The following MEAK7 variants were observed in gnomAD, a reference collection of about 807,000 sequenced individuals.
MEAK7 encodes the protein MTOR-associated protein MEAK7.
In MEAK7, 68 loss-of-function variants were observed where a neutral mutation model predicts 40.5. That is an observed-to-expected ratio of 1.68 (90% CI 1.38 to 2.06). The LOEUF (loss-of-function observed/expected upper bound fraction) is 2.06. MEAK7 is among the 30% of genes most tolerant of loss of function. The probability of loss-of-function intolerance (pLI) is 0.00; values close to 1 mark genes in which losing one functional copy is unlikely to be tolerated. For synonymous variants in MEAK7, 338 were observed against 231.9 expected, an observed-to-expected ratio of 1.46 and a Z score of -4.16; for missense variants, 918 against 580.5, an observed-to-expected ratio of 1.58 and a Z score of -5.98.
At chr16:84,491,311 G>T (rs4782980) in intron 3 of MEAK7, among the ~76,000 whole-genome samples, 63,994 of 151,558 alleles carry the variant, frequency 0.42, 14,073 homozygotes, top group South Asian at 0.6. Context: ...GCCAAGGTGG[G>T]CAGATCATTT....
rs756409200 is a variant in MEAK7 at position 84,480,724 on chromosome 16, G to C, written c.1078-16C>G. On this transcript the variant is annotated splice_polypyrimidine_tract_variant and intron_variant, in intron 6 of 7. Coordinates refer to ENST00000343629, the MANE Select transcript of MEAK7 (RefSeq NM_020947.4). ...CCCCCATACCCTGCAAAGGAAGCCA[G>C]GACAGAGAATAGCATCAGCAACTCC... is the stretch of plus-strand genomic sequence containing the variant. 2.5e-6 allele frequency: 4 copies of C among 1,601,542 alleles called. No individual in the cohort carries two copies. Among genetic ancestry groups the C allele is most frequent in the Non-Finnish European group, 8.5e-7 (1 of 1,173,838 alleles).
chr16:84,489,310 G>A lies in MEAK7; in HGVS notation c.497C>T (p.Ala166Val). Residue 166 changes from alanine (A) to valine (V), a missense_variant, in exon 4 of 8, where the codon GCT becomes GTT. Physicochemically the swap from Ala to Val is moderately conservative, Grantham distance 64. Coordinates refer to ENST00000343629, the MANE Select transcript of MEAK7 (RefSeq NM_020947.4). Reference sequence around the variant, plus strand: ...CTTCATGTCAGAGAGCAGCTGAGCAGCCAGCACCTGCACCCGGGGGTTGGG... The same window carrying A: ...CTTCATGTCAGAGAGCAGCTGAGCAACCAGCACCTGCACCCGGGGGTTGGG... Reference protein sequence around the residue: ...PGPNPRVQVLAAQLLSDMKLQ... With the variant: ...PGPNPRVQVLVAQLLSDMKLQ... 5 of 1,614,162 alleles carry A rather than the reference G, an allele frequency of 3.1e-6. No individual in the cohort carries two copies. The highest frequency in any genetic ancestry group is 3.4e-6 in the Non-Finnish European group (4 of 1,180,018).
In MEAK7 at chr16:84,498,009, T is replaced by C. The variant is rs375627941; in HGVS notation, c.78A>G (p.Gln26=). 2.7e-5 allele frequency: 43 copies of C among 1,614,196 alleles called. No individual in the cohort carries two copies. The African/African-American group carries it at 4.7e-4, about 18-fold the overall frequency. The change falls in exon 2 of 8, where the codon CAA becomes CAG. Residue 26 remains glutamine (Q), a synonymous_variant. Coordinates refer to ENST00000343629, the MANE Select transcript of MEAK7 (RefSeq NM_020947.4). ...TATCTGATGACAGAGCATCAAACAA[T>C]TGATCAATCTCTGCCTGTTCCTCAG... is the stretch of plus-strand genomic sequence containing the variant. ...FLPEEQAEID[Q]LFDALSSDKN...
chr16:84,489,213 T>G, intron 4 of MEAK7, 65 bp downstream of exon 4: 1 of 1,569,670 alleles, frequency 6.4e-7, no homozygotes, highest in Non-Finnish European at 8.7e-7. Flanking sequence ...ACAGCTACAG[T>G]AATGGAGACA....
rs749113041 is a variant in MEAK7 at position 84,482,718 on chromosome 16, T to G, written c.959-8A>C. The G allele has an allele frequency of 6.2e-7, 1 of 1,613,922 alleles. No individual in the cohort carries two copies. Among genetic ancestry groups the G allele is most frequent in the African/African-American group, 1.3e-5 (1 of 75,016 alleles). On this transcript the variant is annotated splice_region_variant and splice_polypyrimidine_tract_variant and intron_variant, in intron 5 of 7. Coordinates refer to ENST00000343629, the MANE Select transcript of MEAK7 (RefSeq NM_020947.4). Reference sequence around the variant, plus strand: ...GGAAGCATCTGTTGTCCCCTGAAAGTAGCCAGAGAACAAAACAAACAGGGT... The same window carrying G: ...GGAAGCATCTGTTGTCCCCTGAAAGGAGCCAGAGAACAAAACAAACAGGGT...
Position 84,486,665 on chromosome 16 carries a change from G to C in MEAK7, c.924C>G (p.Ala308=). Residue 308 remains alanine, a synonymous_variant, in exon 5 of 8, where the codon GCC becomes GCG. Transcript: ENST00000343629. ...DHDKHVFGGF[A]SCSWEVKPQF... is the part of the protein sequence containing the mutation. ...GAGGCTTCACCTCCCAAGAGCAAGAGGCAAACCCACCGAACACATGCTTGT... is the reference window on the plus strand; with the variant it reads ...GAGGCTTCACCTCCCAAGAGCAAGACGCAAACCCACCGAACACATGCTTGT... 1.2e-6 allele frequency: 2 copies of C among 1,613,128 alleles called. No homozygotes were observed. The highest frequency in any genetic ancestry group is 1.7e-6 in the Non-Finnish European group (2 of 1,179,636).
intron 3 of MEAK7, among the ~76,000 whole-genome samples, chr16:84,490,694 G>GTGTGTGTGTGTA (rs1229822252): frequency 5.4e-5 from 8 of 148,812 alleles, no homozygotes; most frequent in Non-Finnish European, 1.0e-4. Context: ...GTGTGTGTGT[G>GTGTGTGTGTGTA]TATTTAAAGG....
chr16:84,498,704 C>T (rs1448482527), intron 1 of MEAK7, among the ~76,000 whole-genome samples: 1 of 152,030 alleles, frequency 6.6e-6, no homozygotes. Flanking sequence ...ACATAGTGCC[C>T]AAGCTAATAT....
intron 1 of MEAK7, 52 bp from the exon 2 acceptor site, chr16:84,498,163 G>A: frequency 4.6e-6 from 7 of 1,518,884 alleles, no homozygotes; most frequent in Non-Finnish European, 5.3e-6. Context: ...AATAATCACA[G>A]AAAATAAATG....
chr16:84,483,112 A>G (rs1414946189), intron 5 of MEAK7, among the ~76,000 whole-genome samples: 2 of 152,202 alleles, frequency 1.3e-5, no homozygotes, highest in Non-Finnish European at 2.9e-5. Context: ...TGAGCAGGCA[A>G]GTGACGCTGC....
Position 84,479,335 on chromosome 16 carries a change from T to C in MEAK7, c.*578A>G. 6.6e-6 allele frequency: 1 copy of C among 152,226 alleles called. No individual in the cohort carries two copies. 9.4% of individuals were successfully genotyped at this position (152,226 alleles called of 1,614,324 possible). ...CAGGGATGGCCTGAGTGAGGCCATA[T>C]GAACCCCAGCGGGAGGAACCCCCTC... On this transcript the variant is annotated 3_prime_UTR_variant, in exon 8 of 8. Transcript: ENST00000343629.
intron 3 of MEAK7, among the ~76,000 whole-genome samples, chr16:84,493,485 T>C (rs1023866258): frequency 6.6e-6 from 1 of 152,236 alleles, no homozygotes; most frequent in Non-Finnish European, 1.5e-5. Flanking sequence ...AACTAACAGA[T>C]GACCGAAATA....
At chr16:84,481,150 C>G (rs1188990433) in intron 6 of MEAK7, among the ~76,000 whole-genome samples, 1 of 152,252 alleles carries the variant, frequency 6.6e-6, no homozygotes, top group Non-Finnish European at 1.5e-5. Flanking sequence ...CACCCCAAGA[C>G]AGGCTGGGAA....
intron 6 of MEAK7, among the ~76,000 whole-genome samples, chr16:84,481,523 C>G (rs887891927): frequency 1.3e-5 from 2 of 152,322 alleles, no homozygotes; most frequent in East Asian, 3.9e-4. Flanking sequence ...CCTGGCCACG[C>G]CCCTCCCTCT....
intron 5 of MEAK7, among the ~76,000 whole-genome samples, chr16:84,483,843 CG>C (rs1478485936): frequency 2.6e-5 from 4 of 152,078 alleles, no homozygotes; most frequent in Admixed American, 2.6e-4. Flanking sequence ...GGGACAGGTA[CG>C]GAACAGTGGG....
chr16:84,502,144 C>CA (rs201166503), intron 1 of MEAK7, among the ~76,000 whole-genome samples: 16,138 of 142,690 alleles, frequency 0.11, 1,252 homozygotes, highest in East Asian at 0.25. Flanking sequence ...AACTCGGTCT[C>CA]AAAAAAAAAA....
At chr16:84,501,282 T>C (rs1265382179) in intron 1 of MEAK7, among the ~76,000 whole-genome samples, 1 of 151,884 alleles carries the variant, frequency 6.6e-6, no homozygotes, top group African/African-American at 2.4e-5. Flanking sequence ...GCACGGGGCA[T>C]AAGCAAGAGC....
At chr16:84,491,920 T>C (rs940501798) in intron 3 of MEAK7, among the ~76,000 whole-genome samples, 1 of 152,196 alleles carries the variant, frequency 6.6e-6, no homozygotes, top group Admixed American at 6.5e-5. Flanking sequence ...ACATTTTGTA[T>C]TGTTTTTAAA....
rs1258802358 is a variant in MEAK7 at position 84,493,547 on chromosome 16, AG to A, written c.384+2135del. The stretch of plus-strand genomic sequence containing the variant: ...ATTAGCTGTTTTTTTTCCAGAGTCA[AG>A]AAAACTTTCTCTTTTAAGCTATTTA... On this transcript the variant is annotated intron_variant, in intron 3 of 7. Coordinates refer to ENST00000343629, the MANE Select transcript of MEAK7 (RefSeq NM_020947.4). 2.0e-5 allele frequency among the ~76,000 whole-genome samples: 3 copies of A among 152,248 alleles called. No homozygotes were observed. In the East Asian group the frequency reaches 5.8e-4, roughly 29 times the overall value.
Sources: gnomAD v4.1 joint callset for allele counts (sites outside exome capture counted in the v4.1 genomes callset) on GRCh38, gnomAD v4.1.1 for gene constraint, MANE v1.5 for transcripts, NCBI Gene and HGNC (gene_info 2026-07-23, HGNC 2026-07-21) for gene names.